The following EVC2 variants were observed in gnomAD, a reference collection of about 807,000 sequenced individuals.
EVC2 encodes the protein EvC ciliary complex subunit 2, also known as limbin.
In EVC2, 148 loss-of-function variants were observed where a neutral mutation model predicts 149.3. That is an observed-to-expected ratio of 0.99 (90% CI 0.87 to 1.14). EVC2 has a LOEUF of 1.14. Ranked by LOEUF, EVC2 falls within the 50% of genes most tolerant of loss-of-function variation. The pLI, the probability that EVC2 is intolerant of heterozygous loss-of-function variation, is 0.00. For synonymous variants in EVC2, 776 were observed against 649.9 expected (o/e 1.19, Z -2.95); for missense variants, 1,854 against 1,627.3 (o/e 1.14, Z -2.40).
At chr4:5,659,623 C>G (rs1046278432) in intron 9 of EVC2, among the ~76,000 whole-genome samples, 8 of 152,018 alleles carry the variant, frequency 5.3e-5, no homozygotes, top group Non-Finnish European at 1.2e-4. Context: ...AAGACAAGCT[C>G]CCAAGAGAAA....
intron 1 of EVC2, among the ~76,000 whole-genome samples, chr4:5,706,785 T>G (rs1441315655): frequency 6.6e-6 from 1 of 151,986 alleles, no homozygotes. Context: ...GGGATGGGCG[T>G]GGGCAGGGCC....
chr4:5,565,391 A>G (rs753634608), intron 20 of EVC2, 32 bp from the exon 21 acceptor site: 9 of 1,601,366 alleles, frequency 5.6e-6, no homozygotes, highest in Non-Finnish European at 7.7e-6. Context: ...TATAGTTTCA[A>G]AAATACGCCT....
chr4:5,706,435 T>C, intron 1 of EVC2, among the ~76,000 whole-genome samples: 2 of 94,942 alleles, frequency 2.1e-5, no homozygotes, highest in African/African-American at 3.3e-5. Context: ...GATACATAGA[T>C]AGATAGATAG....
chr4:5,650,604 C>CATATATATATATATAT (rs66673359), intron 9 of EVC2, among the ~76,000 whole-genome samples: 19 of 53,016 alleles, frequency 3.6e-4, no homozygotes, highest in Non-Finnish European at 5.1e-4. Context: ...TTTTAATCGC[C>CATATATATATATATAT]ATATATATAT....
intron 16 of EVC2, among the ~76,000 whole-genome samples, chr4:5,588,362 C>T (rs1473453431): frequency 6.6e-6 from 1 of 152,082 alleles, no homozygotes; most frequent in Non-Finnish European, 1.5e-5. Context: ...TATGATGCAC[C>T]TTAGAAAAAT....
intron 9 of EVC2, among the ~76,000 whole-genome samples, chr4:5,648,499 G>A (rs867562702): frequency 6.6e-6 from 1 of 152,148 alleles, no homozygotes; most frequent in Non-Finnish European, 1.5e-5. Context: ...GCTAGCTAAG[G>A]GGCCTGGATA....
the EVC2 span, among the ~76,000 whole-genome samples, chr4:5,530,524 C>CGTGTGT: frequency 2.0e-5 from 3 of 151,242 alleles, no homozygotes; most frequent in Admixed American, 6.6e-5. Flanking sequence ...ACAGTTACCG[C>CGTGTGT]GTGTGTGTGT....
intron 1 of EVC2, among the ~76,000 whole-genome samples, chr4:5,700,237 C>T (rs565657044): frequency 6.8e-4 from 104 of 152,308 alleles, no homozygotes; most frequent in Admixed American, 2.2e-3. Flanking sequence ...GCTATGTGCT[C>T]GATTTTTCTG....
At chr4:5,578,689 GAC>G (rs1353080230) in intron 17 of EVC2, among the ~76,000 whole-genome samples, 2 of 152,056 alleles carry the variant, frequency 1.3e-5, no homozygotes, top group African/African-American at 4.8e-5. Context: ...GGGGAAGAAA[GAC>G]ACACACAGAA....
chr4:5,530,447 T>G, the EVC2 span, among the ~76,000 whole-genome samples: 1 of 152,204 alleles, frequency 6.6e-6, no homozygotes, highest in African/African-American at 2.4e-5. Context: ...GTATACAGCA[T>G]GATGTTGTGA....
chr4:5,587,332 C>T lies in EVC2; in HGVS notation c.2830-2482G>A, dbSNP rs368343310. Among the ~76,000 whole-genome samples the T allele has an allele frequency of 6.6e-5, 10 of 152,222 alleles. No homozygotes were observed. The South Asian group carries it at 2.1e-3, about 32-fold the overall frequency. On this transcript the variant is annotated intron_variant, in intron 16 of 21. Transcript: ENST00000344408. ...TCTGTTTCTATGATTTTCCTTATTC[C>T]GGATATTTCATACAAATGGAACTAC...
At chr4:5,616,797 C>T (rs1319971691) in intron 15 of EVC2, among the ~76,000 whole-genome samples, 1 of 152,144 alleles carries the variant, frequency 6.6e-6, no homozygotes, top group Non-Finnish European at 1.5e-5. Flanking sequence ...GTGGAGCGAG[C>T]ACCTTCGCGA....
chr4:5,584,701 G>C lies in EVC2; in HGVS notation c.2979C>G (p.Asp993Glu), dbSNP rs761633806. Residue 993 changes from aspartate to glutamate, a missense_variant, in exon 17 of 22, where the codon GAC (aspartate) becomes GAG (glutamate). Coordinates refer to ENST00000344408, the MANE Select transcript of EVC2 (RefSeq NM_147127.5). ...ATGCACTCAGCTCTTCCAGGAGCAA[G>C]TCCTGGATGCTGAGGAGGGCGGTGT... is the stretch of plus-strand genomic sequence containing the variant. ...SAYTALLSIQ[D>E]LLLEELSASE... 2 of 1,614,150 alleles carry C rather than the reference G, an allele frequency of 1.2e-6. No homozygotes were observed. The highest frequency in any genetic ancestry group is 4.5e-5 in the East Asian group (2 of 44,874).
the EVC2 span, among the ~76,000 whole-genome samples, chr4:5,534,282 G>A: frequency 1.2e-3 from 179 of 152,288 alleles, no homozygotes; most frequent in African/African-American, 3.9e-3. Flanking sequence ...ATTTGTGGGT[G>A]CTGTTCACTG....
At chr4:5,574,074 G>A (rs1201603918) in intron 19 of EVC2, among the ~76,000 whole-genome samples, 2 of 152,238 alleles carry the variant, frequency 1.3e-5, no homozygotes, top group African/African-American at 4.8e-5. Flanking sequence ...CTCTGGAGTC[G>A]TGTGGCTCGC....
At chr4:5,668,711 G>C (rs1719436611) in intron 7 of EVC2, among the ~76,000 whole-genome samples, 1 of 152,168 alleles carries the variant, frequency 6.6e-6, no homozygotes, top group Admixed American at 6.5e-5. Flanking sequence ...TTCAAAGAAG[G>C]CAACAACTTG....
At chr4:5,559,356 C>T (rs1181736167), downstream of EVC2, among the ~76,000 whole-genome samples, 1 of 152,058 alleles carries the variant, frequency 6.6e-6, no homozygotes, top group African/African-American at 2.4e-5. The surrounding 1 kb of genome is among the most constrained non-coding windows in gnomAD (Gnocchi z 5.0). Context: ...TGTATATAAA[C>T]AGGTTAGTAT....
At chr4:5,650,967 C>G (rs559815383) in intron 9 of EVC2, among the ~76,000 whole-genome samples, 14 of 152,138 alleles carry the variant, frequency 9.2e-5, no homozygotes, top group African/African-American at 3.4e-4. Context: ...TCATGTCTTT[C>G]TTGATATCAT....
At chr4:5,554,546 T>C (rs946056534) in intron 21 of EVC2, among the ~76,000 whole-genome samples, 2 of 152,138 alleles carry the variant, frequency 1.3e-5, no homozygotes, top group African/African-American at 2.4e-5. Flanking sequence ...AAAGCAAGCA[T>C]TGTGTAAGTC....
Sources: gnomAD v4.1 joint callset for allele counts (sites outside exome capture counted in the v4.1 genomes callset) on GRCh38, gnomAD v4.1.1 for gene constraint, Gnocchi (gnomAD v3.1) non-coding constraint, MANE v1.5 for transcripts, NCBI Gene and HGNC (gene_info 2026-07-23, HGNC 2026-07-21) for gene names.